The following EPHA3 variants were observed in gnomAD, a reference collection of about 807,000 sequenced individuals.
EPHA3 encodes EPH receptor A3, also known as ephrin type-A receptor 3.
EPHA3 carries 42 observed loss-of-function variants against 107.1 expected under a neutral mutation model. That is an observed-to-expected ratio of 0.39 (90% CI 0.31 to 0.51). EPHA3 has a LOEUF of 0.51. EPHA3 is among the 20% of genes least tolerant of loss of function. The pLI is 0.78. For missense variants in EPHA3, 1,183 were observed against 1,211.2 expected (o/e 0.98, Z 0.35); for synonymous variants, 461 against 424.8 (o/e 1.09, Z -1.05).
chr3:89,304,081 T>C (rs535567786), intron 3 of EPHA3, among the ~76,000 whole-genome samples: 2 of 152,150 alleles, frequency 1.3e-5, no homozygotes, highest in East Asian at 1.9e-4. Context: ...TTAGTCTCTG[T>C]TGTATCCCCA....
chr3:89,216,397 A>G (rs1011080652), intron 3 of EPHA3, among the ~76,000 whole-genome samples: 4 of 151,942 alleles, frequency 2.6e-5, no homozygotes, highest in African/African-American at 9.7e-5. Context: ...ATTGTCCAAG[A>G]AAAAGACATA....
Position 89,390,735 on chromosome 3 carries a change from A to G in EPHA3, c.1307-5102A>G, listed in dbSNP as rs185785188. 1.6e-3 allele frequency among the ~76,000 whole-genome samples: 243 copies of G among 151,738 alleles called. 2 individuals are homozygous for G. The highest frequency in any genetic ancestry group is 3.4e-3 in the Middle Eastern group (1 of 294). On this transcript the variant is annotated intron_variant, in intron 5 of 16. Coordinates refer to ENST00000336596, the MANE Select transcript of EPHA3 (RefSeq NM_005233.6). ...GGAAGAAAACACTGTGAGCAAGTCA[A>G]CCCTTGGTTTCCAGAAAGTTATGTC...
intron 3 of EPHA3, among the ~76,000 whole-genome samples, chr3:89,310,569 A>C (rs1440041784): frequency 6.6e-6 from 1 of 151,828 alleles, no homozygotes; most frequent in Admixed American, 6.6e-5. Context: ...CAAATACCTT[A>C]CCTATTCACC....
chr3:89,339,365 C>A, intron 3 of EPHA3, among the ~76,000 whole-genome samples: 1 of 82,420 alleles, frequency 1.2e-5, no homozygotes, highest in Non-Finnish European at 2.3e-5. Context: ...AGTGAGACTC[C>A]ATCTCAAAAA....
At chr3:89,121,616 G>T (rs1237412065) in intron 1 of EPHA3, among the ~76,000 whole-genome samples, 1 of 152,074 alleles carries the variant, frequency 6.6e-6, no homozygotes, top group African/African-American at 2.4e-5. Flanking sequence ...AATTAGCTGG[G>T]TGTGGTGGCA....
intron 9 of EPHA3, among the ~76,000 whole-genome samples, chr3:89,410,719 G>T (rs1709142441): frequency 6.6e-6 from 1 of 151,924 alleles, no homozygotes; most frequent in African/African-American, 2.4e-5. Flanking sequence ...ACTCCAACAA[G>T]ATTTTATTTC....
intron 2 of EPHA3, among the ~76,000 whole-genome samples, chr3:89,139,089 A>AT (rs1704374071): frequency 6.6e-6 from 1 of 151,886 alleles, no homozygotes; most frequent in Admixed American, 6.6e-5. Context: ...GAATAAGCTA[A>AT]TTTTTTAAAA....
chr3:89,199,607 T>A (rs1204410882), intron 2 of EPHA3, among the ~76,000 whole-genome samples: 2 of 152,212 alleles, frequency 1.3e-5, no homozygotes, highest in African/African-American at 4.8e-5. Context: ...TGAATTTTTT[T>A]ATTTCCACCC....
At chr3:89,382,006 G>GA (rs924572126) in intron 5 of EPHA3, among the ~76,000 whole-genome samples, 7 of 151,862 alleles carry the variant, frequency 4.6e-5, no homozygotes, top group Non-Finnish European at 1.0e-4. Context: ...TAAAGAGTGA[G>GA]AAAAAAAATT....
At chr3:89,253,142 C>T (rs1245837113) in intron 3 of EPHA3, among the ~76,000 whole-genome samples, 1 of 151,878 alleles carries the variant, frequency 6.6e-6, no homozygotes, top group Non-Finnish European at 1.5e-5. Context: ...TATAGGCTTA[C>T]AGTTTTTCAA....
At chr3:89,424,519 C>A (rs1347386077) in intron 11 of EPHA3, among the ~76,000 whole-genome samples, 2 of 151,076 alleles carry the variant, frequency 1.3e-5, no homozygotes, top group Admixed American at 1.3e-4. Flanking sequence ...TACAGGAAAT[C>A]TTAAACCTTT....
chr3:89,379,795 A>AT (rs1708466010), intron 5 of EPHA3, among the ~76,000 whole-genome samples: 1 of 152,118 alleles, frequency 6.6e-6, no homozygotes, highest in South Asian at 2.1e-4. Flanking sequence ...ATATTGTCCC[A>AT]TTTTTTCAAG....
intron 13 of EPHA3, 97 bp downstream of exon 13, chr3:89,431,456 T>C: frequency 1.1e-6 from 1 of 935,586 alleles, no homozygotes; most frequent in Admixed American, 2.8e-5. Flanking sequence ...AAACGTGTTG[T>C]CAATTATGCT....
chr3:89,380,259 C>A (rs1481690861), intron 5 of EPHA3, among the ~76,000 whole-genome samples: 1 of 152,136 alleles, frequency 6.6e-6, no homozygotes, highest in African/African-American at 2.4e-5. Context: ...GGACAGTTGT[C>A]ATTTCTGTAG....
chr3:89,286,825 G>A (rs1051499431), intron 3 of EPHA3, among the ~76,000 whole-genome samples: 2 of 152,098 alleles, frequency 1.3e-5, no homozygotes, highest in African/African-American at 4.8e-5. Flanking sequence ...TCAACATCAA[G>A]AGGTATGCAT....
chr3:89,330,414 G>T (rs1275784352), intron 3 of EPHA3, among the ~76,000 whole-genome samples: 1 of 151,548 alleles, frequency 6.6e-6, no homozygotes, highest in East Asian at 1.9e-4. Context: ...TATATCATAG[G>T]TTTTTTTTAA....
chr3:89,237,709 TAATTCC>T (rs1327593320), intron 3 of EPHA3, among the ~76,000 whole-genome samples: 10 of 152,114 alleles, frequency 6.6e-5, no homozygotes, highest in African/African-American at 2.4e-4. Context: ...CTCACACCTA[TAATTCC>T]AGCTCTTTTG....
At chr3:89,294,268 A>C (rs1213767938) in intron 3 of EPHA3, among the ~76,000 whole-genome samples, 1 of 152,124 alleles carries the variant, frequency 6.6e-6, no homozygotes, top group Non-Finnish European at 1.5e-5. Context: ...ATGACTATCT[A>C]ATTGTTTCAA....
At chr3:89,404,357 C>G (rs1257084246) in intron 7 of EPHA3, among the ~76,000 whole-genome samples, 1 of 152,118 alleles carries the variant, frequency 6.6e-6, no homozygotes, top group Non-Finnish European at 1.5e-5. Context: ...AAGTGTTTTA[C>G]TAGTACTAAC....
Sources: gnomAD v4.1 joint callset for allele counts (sites outside exome capture counted in the v4.1 genomes callset) on GRCh38, gnomAD v4.1.1 for gene constraint, MANE v1.5 for transcripts, NCBI Gene and HGNC (gene_info 2026-07-23, HGNC 2026-07-21) for gene names.